TTN: variants seen among roughly 807,000 people sequenced by gnomAD.
TTN encodes the protein titin.
Under a neutral mutation model 3,223.0 loss-of-function variants are expected in TTN, and 1,525 were observed. The ratio of observed to expected loss-of-function variants is 0.47; its 90% CI spans 0.45 to 0.49. TTN has a LOEUF of 0.49. Among genes scored for constraint, TTN ranks in the 20% least tolerant of loss-of-function variants. TTN has a pLI of 0.00. For synonymous variants in TTN, 14,094 were observed against 15,161.0 expected, an observed-to-expected ratio of 0.93 and a Z score of 5.17; for missense variants, 40,786 against 43,424.0, an observed-to-expected ratio of 0.94 and a Z score of 5.40.
At chr2:178,606,477 C>T (rs753023175) in intron 278 of TTN, among the ~76,000 whole-genome samples, 2 of 151,832 alleles carry the variant, frequency 1.3e-5, no homozygotes, top group Non-Finnish European at 2.9e-5. Flanking sequence ...TGTCAGTGTG[C>T]ATTACTGTGT....
Position 178,567,400 on chromosome 2 carries a change from GTTCT to G in TTN, c.78728_78731del (p.Lys26243ThrfsTer10). 6.2e-7 allele frequency: 1 copy of G among 1,601,998 alleles called. No homozygotes were observed. The highest frequency in any genetic ancestry group is 8.5e-7 in the Non-Finnish European group (1 of 1,174,904). On this transcript the variant is annotated frameshift_variant, in exon 326 of 363. Transcript: ENST00000589042. LOFTEE classifies it high-confidence loss of function. ...CAATAAGTAAAGCCTTGAAATCTGT[GTTCT>G]TTATTTCACATCTAGCAGATTCTTC...
In TTN at chr2:178,558,109, C is replaced by T. The variant is rs1176561473; in HGVS notation, c.87245G>A (p.Gly29082Asp). The change falls in exon 328 of 363, where the codon GGT becomes GAT. Residue 29082 changes from glycine to aspartate, a missense_variant. Physicochemically the swap from Gly to Asp is moderately conservative, Grantham distance 94 (BLOSUM62 -1). Transcript: ENST00000589042. ...TCTCATGGTTGCCTTAAGGGGGACA[C>T]CATCTCTTGATAAGGTCACTTTGGG... ...PLPKVTLSRD[G>D]VPLKATMRFN... 4 of 1,613,718 alleles carry T rather than the reference C, an allele frequency of 2.5e-6. No individual in the cohort carries two copies. Among genetic ancestry groups the T allele is most frequent in the East Asian group, 2.2e-5 (1 of 44,864 alleles).
chr2:178,652,354 A>G lies in TTN; in HGVS notation c.39128-7T>C, dbSNP rs750427715. 3 of 1,613,614 alleles carry G rather than the reference A, an allele frequency of 1.9e-6. No individual in the cohort carries two copies. Among genetic ancestry groups the G allele is most frequent in the East Asian group, 2.2e-5 (1 of 44,854 alleles). ...TCTTTGGGAGCCTCAGGCACTTGAA[A>G]GATAATAGTGAAATTACATTTAGGC... On this transcript the variant is annotated splice_region_variant and splice_polypyrimidine_tract_variant and intron_variant, in intron 202 of 362. Transcript: ENST00000589042.
rs781421780 is a variant in TTN at position 178,767,751 on chromosome 2, G to A, written c.9471+8C>T. 6 of 1,613,648 alleles carry A rather than the reference G, an allele frequency of 3.7e-6. No individual in the cohort carries two copies. In the South Asian group the frequency reaches 4.4e-5, roughly 12 times the overall value. ...GATTTTTCAAAACATTTAGTATGTA[G>A]ACAATACCTGAACCTCCTTTTTAAT... On this transcript the variant is annotated splice_region_variant and intron_variant, in intron 40 of 362. Transcript: ENST00000589042.
Position 178,569,499 on chromosome 2 carries a change from C to A in TTN, c.76633G>T (p.Gly25545Ter). Residue 25545 changes from glycine to a stop codon, truncating the protein, a stop_gained, in exon 326 of 363, where the codon GGA (glycine) becomes TGA (stop). Coordinates refer to ENST00000589042, the MANE Select transcript of TTN (RefSeq NM_001267550.2). LOFTEE classifies it high-confidence loss of function. ...TCTCGGATTTCACCATCCACCTTTC[C>A]CCATTTAACTTCTGGTGTAGGACGA... is the stretch of plus-strand genomic sequence containing the variant. Reference protein sequence around the residue: ...KGRPTPEVKWGKVDGEIRDAA... With the variant: ...KGRPTPEVKW The A allele has an allele frequency of 6.2e-7, 1 of 1,612,614 alleles. No individual in the cohort carries two copies. Among genetic ancestry groups the A allele is most frequent in the Non-Finnish European group, 8.5e-7 (1 of 1,179,056 alleles).
chr2:178,768,204 G>GAT, intron 38 of TTN, 49 bp from the exon 39 acceptor site: 1 of 1,588,632 alleles, frequency 6.3e-7, no homozygotes, highest in South Asian at 1.1e-5. Context: ...GCTTTATTGA[G>GAT]ATATAATTCA....
In TTN at chr2:178,540,169, G is replaced by C. The variant is rs1031941089; in HGVS notation, c.97997C>G (p.Pro32666Arg). The C allele has an allele frequency of 6.2e-7, 1 of 1,613,844 alleles. No homozygotes were observed. Among genetic ancestry groups the C allele is most frequent in the Admixed American group, 1.7e-5 (1 of 60,020 alleles). ...GCGGAACCTGTATTCTGCACCCTGAGGTAGGTGTGTTAGAGTATACTCTCG... is the reference window on the plus strand; with the variant it reads ...GCGGAACCTGTATTCTGCACCCTGACGTAGGTGTGTTAGAGTATACTCTCG... ...KIREYTLTHL[P>R]QGAEYRFRVL... The change falls in exon 351 of 363, where the codon CCT becomes CGT. Residue 32666 changes from proline (P) to arginine (R), a missense_variant. Physicochemically the swap from Pro to Arg is moderately radical, Grantham distance 103. Coordinates refer to ENST00000589042, the MANE Select transcript of TTN (RefSeq NM_001267550.2).
rs771651842 is a variant in TTN, at chr2:178,582,585, C to T, written c.65871G>A (p.Pro21957=). The T allele has an allele frequency of 7.0e-5, 113 of 1,604,448 alleles. No homozygotes were observed. The highest frequency in any genetic ancestry group is 1.6e-4 in the East Asian group (7 of 44,654). The change falls in exon 314 of 363, where the codon CCG becomes CCA. Residue 21957 remains proline (P), a synonymous_variant. Transcript: ENST00000589042. ...TGATTTTAACAGATGCTGGAGGACC[C>T]GGTTTATCTGAAGGAATAAGGAAGA... ...ATIKLKVLDK[P]GPPASVKINK...
rs752948913 is a variant in TTN, at chr2:178,592,916, CAG to C, written c.59201_59202del (p.Pro19734ArgfsTer5). On this transcript the variant is annotated frameshift_variant, in exon 300 of 363. Transcript: ENST00000589042. LOFTEE classifies it high-confidence loss of function. ...DEEWRRANHTPESCPETKYKV... is the reference protein window; with the variant it reads ...DEEWRRANHTXESCPETKYKV... The stretch of plus-strand genomic sequence containing the variant: ...TTATATTTAGTTTCAGGACATGACT[CAG>C]GGGTGTGATTGGCTCTTCTCCACTC... 6 of 1,613,454 alleles carry C rather than the reference CAG, an allele frequency of 3.7e-6. No individual in the cohort carries two copies. Among genetic ancestry groups the C allele is most frequent in the Non-Finnish European group, 5.1e-6 (6 of 1,179,590 alleles).
intron 38 of TTN, 132 bp from the exon 39 acceptor site, chr2:178,768,287 C>T (rs2090881361): frequency 8.4e-7 from 1 of 1,192,612 alleles, no homozygotes; most frequent in Admixed American, 2.0e-5. Context: ...GTGTAGCCAT[C>T]ACCATAATTT....
chr2:178,719,869 A>G (rs763535581), intron 81 of TTN, 37 bp from the exon 82 acceptor site: 2 of 1,571,130 alleles, frequency 1.3e-6, no homozygotes, highest in East Asian at 2.3e-5. Context: ...AAACAAAGTA[A>G]CCTTTCAAAC....
At chr2:178,673,277 T>C (rs1253125603) in intron 152 of TTN, among the ~76,000 whole-genome samples, 1 of 151,746 alleles carries the variant, frequency 6.6e-6, no homozygotes, top group Non-Finnish European at 1.5e-5. Flanking sequence ...AAATAATAAA[T>C]ATAGTAAAAT....
chr2:178,610,325 A>G lies in TTN; in HGVS notation c.51201T>C (p.Thr17067=), dbSNP rs370329825. ...CACCATCAAATTCTGGAGGTTCCCA[A>G]GTTAACTTACAAGAACTCTTGGTAA... ...SDITKSSCKL[T]WEPPEFDGGT... is the part of the protein sequence containing the mutation. Residue 17067 remains threonine (T), a synonymous_variant, in exon 271 of 363, where the codon ACT becomes ACC. Transcript: ENST00000589042. 1 of 1,612,770 alleles carries G rather than the reference A, an allele frequency of 6.2e-7. No homozygotes were observed. Among genetic ancestry groups the G allele is most frequent in the African/African-American group, 1.3e-5 (1 of 74,852 alleles).
Position 178,612,387 on chromosome 2 carries a change from G to A in TTN, c.50138C>T (p.Thr16713Ile), listed in dbSNP as rs2056496324. 6.2e-7 allele frequency: 1 copy of A among 1,612,408 alleles called. No individual in the cohort carries two copies. Among genetic ancestry groups the A allele is most frequent in the Admixed American group, 1.7e-5 (1 of 59,892 alleles). The change falls in exon 266 of 363, where the codon ACC becomes ATC. Residue 16713 changes from threonine to isoleucine, a missense_variant. Physicochemically the swap from Thr to Ile is moderately conservative, Grantham distance 89. Transcript: ENST00000589042. ...TTVKDTKCTV[T>I]PLTEGSLYVF... ...ATATAAAGAGCCCTCAGTCAGTGGGGTGACTGTGCACTTGGTGTCCTTGAC... is the reference window on the plus strand; with the variant it reads ...ATATAAAGAGCCCTCAGTCAGTGGGATGACTGTGCACTTGGTGTCCTTGAC...
intron 92 of TTN, 103 bp from the exon 93 acceptor site, chr2:178,713,475 C>G: frequency 2.1e-6 from 3 of 1,425,466 alleles, no homozygotes; most frequent in Non-Finnish European, 2.8e-6. Context: ...ATGGACTATC[C>G]CTAGATCCAT....
Position 178,527,039 on chromosome 2 carries a change from A to T in TTN, c.107949T>A (p.Thr35983=). ...AAATGGATCGAATATGTATATTCACAGTGGCAGAGTCAGATCCAAATTCAT... is the reference window on the plus strand; with the variant it reads ...AAATGGATCGAATATGTATATTCACTGTGGCAGAGTCAGATCCAAATTCAT... ...LGNEFGSDSA[T]VNIHIRSI is the part of the protein sequence containing the mutation. Residue 35983 remains threonine, a synonymous_variant, in exon 363 of 363, where the codon ACT becomes ACA. Coordinates refer to ENST00000589042, the MANE Select transcript of TTN (RefSeq NM_001267550.2). 2 of 1,613,690 alleles carry T rather than the reference A, an allele frequency of 1.2e-6. No individual in the cohort carries two copies. Among genetic ancestry groups the T allele is most frequent in the Non-Finnish European group, 1.7e-6 (2 of 1,179,714 alleles).
Position 178,561,156 on chromosome 2 carries a change from G to C in TTN, c.84976C>G (p.Arg28326Gly), listed in dbSNP as rs749633038. Residue 28326 changes from arginine (R) to glycine (G), a missense_variant, in exon 326 of 363, where the codon CGG becomes GGG. Physicochemically the swap from Arg to Gly is moderately radical, Grantham distance 125. Coordinates refer to ENST00000589042, the MANE Select transcript of TTN (RefSeq NM_001267550.2). ...ELTEDQRYEF[R>G]VFARNAADSV... is the part of the protein sequence containing the mutation. ...TCAGCAGCATTCCTTGCAAAAACCC[G>C]GAATTCATAACGCTGATCTTCAGTA... 6.2e-7 allele frequency: 1 copy of C among 1,613,592 alleles called. No homozygotes were observed. Among genetic ancestry groups the C allele is most frequent in the Admixed American group, 1.7e-5 (1 of 59,984 alleles).
chr2:178,526,671 T>TA lies in TTN; in HGVS notation c.*340_*341insT, dbSNP rs1686535631. ...CAACAGTATGTTGAGGCACAAAGAT[T>TA]GATTAAATGTTGAGCAGGGTATTCG... On this transcript the variant is annotated 3_prime_UTR_variant, in exon 363 of 363. Transcript: ENST00000589042. 1 of 185,656 alleles carries TA rather than the reference T, an allele frequency of 5.4e-6. No homozygotes were observed. The highest frequency in any genetic ancestry group is 1.1e-5 in the Non-Finnish European group (1 of 88,794). 11.5% of individuals were successfully genotyped at this position (185,656 alleles called of 1,614,324 possible). A position where few individuals can be genotyped will look rare whatever the true frequency, so the allele number is the denominator to read the frequency against.
chr2:178,579,125 A>T lies in TTN; in HGVS notation c.67905T>A (p.Thr22635=). Residue 22635 remains threonine (T), a synonymous_variant, in exon 320 of 363, where the codon ACT becomes ACA. Coordinates refer to ENST00000589042, the MANE Select transcript of TTN (RefSeq NM_001267550.2). ...GCTTGCCAACAACCTTTATGGAGATAGTTCCTTCCTTGGTGCCAGCAACAT... is the reference window on the plus strand; with the variant it reads ...GCTTGCCAACAACCTTTATGGAGATTGTTCCTTCCTTGGTGCCAGCAACAT... ...LKNVAGTKEG[T]ISIKVVGKPG... The T allele has an allele frequency of 6.2e-7, 1 of 1,613,410 alleles. No homozygotes were observed. Among genetic ancestry groups the T allele is most frequent in the Non-Finnish European group, 8.5e-7 (1 of 1,179,566 alleles).
Sources: gnomAD v4.1 joint callset for allele counts (sites outside exome capture counted in the v4.1 genomes callset) on GRCh38, gnomAD v4.1.1 for gene constraint, MANE v1.5 for transcripts, NCBI Gene and HGNC (gene_info 2026-07-23, HGNC 2026-07-21) for gene names.